The following CCDC150 variants were observed in gnomAD, a reference collection of about 807,000 sequenced individuals.
CCDC150 encodes coiled-coil domain-containing protein 150.
A neutral mutation model predicts 156.5 loss-of-function variants in CCDC150; 151 were observed. That is an observed-to-expected ratio of 0.97 (90% CI 0.85 to 1.10). The LOEUF is 1.10. Among genes scored for constraint, CCDC150 ranks in the 50% least tolerant of loss-of-function variants. CCDC150 has a pLI of 0.00. For synonymous variants in CCDC150, 452 were observed against 429.4 expected, an observed-to-expected ratio of 1.05 and a Z score of -0.65; for missense variants, 1,312 against 1,268.1, an observed-to-expected ratio of 1.03 and a Z score of -0.53.
chr2:196,663,743 TTTAA>T (rs1396253944), intron 5 of CCDC150, among the ~76,000 whole-genome samples: 7 of 152,094 alleles, frequency 4.6e-5, no homozygotes, highest in Admixed American at 4.6e-4. Flanking sequence ...TCTTTTAACC[TTTAA>T]AAAATGTTTT....
chr2:196,718,558 G>A lies in CCDC150; in HGVS notation c.1922G>A (p.Arg641His), dbSNP rs373323546. ...KEELSRTVKC[R>H]NAALKESQKL... ...GAGCTGTCCCGAACAGTGAAGTGTCGTAATGCGGCCCTGAAAGAGAGTCAG... is the reference window on the plus strand; with the variant it reads ...GAGCTGTCCCGAACAGTGAAGTGTCATAATGCGGCCCTGAAAGAGAGTCAG... Residue 641 changes from arginine (R) to histidine (H), a missense_variant, in exon 18 of 28, where the codon CGT becomes CAT. Physicochemically the swap from Arg to His is conservative, Grantham distance 29. Coordinates refer to ENST00000389175, the MANE Select transcript of CCDC150 (RefSeq NM_001080539.2). 3.3e-5 allele frequency: 53 copies of A among 1,613,582 alleles called. No individual in the cohort carries two copies. Among genetic ancestry groups the A allele is most frequent in the Admixed American group, 1.0e-4 (6 of 59,988 alleles).
intron 5 of CCDC150, among the ~76,000 whole-genome samples, chr2:196,660,092 T>G (rs1196412622): frequency 1.3e-5 from 2 of 152,210 alleles, no homozygotes; most frequent in Non-Finnish European, 2.9e-5. Context: ...TGTACTGGCT[T>G]CTTTTATGCA....
chr2:196,676,220 T>G lies in CCDC150; in HGVS notation c.1215T>G (p.Asn405Lys), dbSNP rs1171416129. The change falls in exon 11 of 28, where the codon AAT becomes AAG. Residue 405 changes from asparagine to lysine, a missense_variant. Physicochemically the swap from Asn to Lys is moderately conservative, Grantham distance 94. Coordinates refer to ENST00000389175, the MANE Select transcript of CCDC150 (RefSeq NM_001080539.2). ...LLDAAHASIT[N>K]ELQTVQNEKT... ...ATGCAGCCCATGCCAGTATCACAAA[T>G]GAACTACAGACTGTTCAGAATGAGA... is the stretch of plus-strand genomic sequence containing the variant. 1.2e-6 allele frequency: 2 copies of G among 1,613,596 alleles called. No homozygotes were observed. The highest frequency in any genetic ancestry group is 1.3e-5 in the African/African-American group (1 of 74,900).
chr2:196,682,563 A>G (rs1368401801), intron 13 of CCDC150, among the ~76,000 whole-genome samples: 1 of 152,086 alleles, frequency 6.6e-6, no homozygotes, highest in Non-Finnish European at 1.5e-5. Context: ...AGAGTATTAC[A>G]ATCTCAATAA....
intron 8 of CCDC150, 22 bp downstream of exon 8, chr2:196,669,898 T>A: frequency 6.3e-7 from 1 of 1,590,878 alleles, no homozygotes; most frequent in Non-Finnish European, 8.6e-7. Context: ...AGTTGTGGAG[T>A]ACAGAGGTGG....
In CCDC150 at chr2:196,668,978, A is replaced by G. The variant is rs550892202; in HGVS notation, c.893-855A>G. Reference sequence around the variant, plus strand: ...ATGATTTCTGGCTTTAGAATATTTAAGTGAAACAAGACTGATATGAATTTT... The same window carrying G: ...ATGATTTCTGGCTTTAGAATATTTAGGTGAAACAAGACTGATATGAATTTT... On this transcript the variant is annotated intron_variant, in intron 7 of 27. Transcript: ENST00000389175. Among the ~76,000 whole-genome samples, 4 of 152,346 alleles carry G rather than the reference A, an allele frequency of 2.6e-5. No homozygotes were observed. The South Asian group carries it at 8.3e-4, about 32-fold the overall frequency.
In CCDC150 at chr2:196,732,538, T is replaced by G; in HGVS notation, c.3282T>G (p.Tyr1094Ter). 1 of 1,611,878 alleles carries G rather than the reference T, an allele frequency of 6.2e-7. No homozygotes were observed. Among genetic ancestry groups the G allele is most frequent in the Non-Finnish European group, 8.5e-7 (1 of 1,178,060 alleles). ...KQNLRPMPKK[Y>*]HSEVQRK The stretch of plus-strand genomic sequence containing the variant: ...ATCTTAGGCCCATGCCCAAGAAGTA[T>G]CATTCTGAGGTACAGAGGAAGTGAT... Residue 1094 changes from tyrosine (Y) to a stop codon, truncating the protein, a stop_gained, in exon 28 of 28, where the codon TAT (tyrosine) becomes TAG (stop). Coordinates refer to ENST00000389175, the MANE Select transcript of CCDC150 (RefSeq NM_001080539.2). LOFTEE classifies it high-confidence loss of function.
At chr2:196,687,764 T>G (rs886894538) in intron 13 of CCDC150, among the ~76,000 whole-genome samples, 1 of 152,192 alleles carries the variant, frequency 6.6e-6, no homozygotes, top group African/African-American at 2.4e-5. Context: ...CTATTTTGAG[T>G]TAATTTTTGT....
In CCDC150 at chr2:196,665,607, CTT is replaced by C; in HGVS notation, c.688_689del (p.Leu230ArgfsTer37). On this transcript the variant is annotated frameshift_variant, in exon 6 of 28. Transcript: ENST00000389175. LOFTEE classifies it high-confidence loss of function. ...GCTCAGGAGAAGTACCTTAGGGAAT[CTT>C]TAGAGAAATCAGCATCAGCCATGCT... The C allele has an allele frequency of 6.2e-7, 1 of 1,605,922 alleles. No homozygotes were observed. The highest frequency in any genetic ancestry group is 1.1e-5 in the South Asian group (1 of 88,642).
At chr2:196,639,889 T>G (rs887561545) in intron 1 of CCDC150, 111 bp downstream of exon 1, 36 of 976,496 alleles carry the variant, frequency 3.7e-5, no homozygotes, top group Non-Finnish European at 7.0e-6. Context: ...CCTGACGGAG[T>G]CCAGTCTCAC....
intron 2 of CCDC150, among the ~76,000 whole-genome samples, chr2:196,652,770 T>G (rs1248959262): frequency 6.6e-6 from 1 of 152,244 alleles, no homozygotes; most frequent in Admixed American, 6.5e-5. Context: ...AGGAGAGCCT[T>G]TGCAGAGAGC....
At chr2:196,649,195 T>C (rs1575749098) in intron 2 of CCDC150, among the ~76,000 whole-genome samples, 1 of 152,210 alleles carries the variant, frequency 6.6e-6, no homozygotes, top group Non-Finnish European at 1.5e-5. Context: ...TTAATAGGGA[T>C]TGCCCTGAAT....
chr2:196,672,486 C>A, intron 9 of CCDC150, 49 bp downstream of exon 9: 1 of 1,032,740 alleles, frequency 9.7e-7, no homozygotes, highest in South Asian at 2.4e-5. Flanking sequence ...TAATTTTGTT[C>A]AATTAAATAA....
intron 17 of CCDC150, chr2:196,713,798 C>A: frequency 1.7e-6 from 2 of 1,157,208 alleles, no homozygotes; most frequent in African/African-American, 1.6e-5. Flanking sequence ...TAAGGTTCTT[C>A]ACAAATAGAA....
chr2:196,730,206 G>A, intron 25 of CCDC150, 88 bp downstream of exon 25: 2 of 1,133,364 alleles, frequency 1.8e-6, no homozygotes, highest in Non-Finnish European at 2.5e-6. Flanking sequence ...ACTTTCTAGA[G>A]TCTACAGAAG....
chr2:196,706,687 C>T (rs1696669003), intron 15 of CCDC150, among the ~76,000 whole-genome samples: 1 of 152,162 alleles, frequency 6.6e-6, no homozygotes, highest in African/African-American at 2.4e-5. Flanking sequence ...GACAATGTTC[C>T]ATCAATACCT....
Position 196,639,716 on chromosome 2 carries a change from G to C in CCDC150, c.-51G>C. The C allele has an allele frequency of 1.3e-6, 2 of 1,506,828 alleles. No homozygotes were observed. The highest frequency in any genetic ancestry group is 2.7e-5 in the South Asian group (2 of 74,218). 93.3% of individuals were successfully genotyped at this position (1,506,828 alleles called of 1,614,324 possible). A position where few individuals can be genotyped will look rare whatever the true frequency, so the allele number is the denominator to read the frequency against. ...CGGGTTGGTTTAAAATGCTGTGTTA[G>C]TTCCACGGAAACCCGCTCGCCTGCT... On this transcript the variant is annotated 5_prime_UTR_variant, in exon 1 of 28. Coordinates refer to ENST00000389175, the MANE Select transcript of CCDC150 (RefSeq NM_001080539.2).
intron 14 of CCDC150, among the ~76,000 whole-genome samples, chr2:196,697,185 T>G (rs993580004): frequency 1.3e-5 from 2 of 152,238 alleles, no homozygotes; most frequent in African/African-American, 4.8e-5. Context: ...AAACATTGAT[T>G]GACTAGAATA....
In CCDC150 at chr2:196,673,108, T is replaced by C. The variant is rs116588877; in HGVS notation, c.1029+671T>C. Among the ~76,000 whole-genome samples the C allele has an allele frequency of 4.8e-3, 734 of 152,284 alleles. 4 individuals are homozygous for C. The highest frequency in any genetic ancestry group is 0.017 in the African/African-American group (695 of 41,562). Reference sequence around the variant, plus strand: ...TATAAAATGAATGTGTTTTTAAATATAATAACATCAACTACTATTACTCTT... The same window carrying C: ...TATAAAATGAATGTGTTTTTAAATACAATAACATCAACTACTATTACTCTT... On this transcript the variant is annotated intron_variant, in intron 9 of 27. Transcript: ENST00000389175.
Sources: allele counts gnomAD v4.1 joint callset (sites outside exome capture counted in the v4.1 genomes callset), GRCh38; gene constraint gnomAD v4.1.1; transcripts MANE v1.5; gene names NCBI Gene and HGNC (gene_info 2026-07-23, HGNC 2026-07-21).